CTNNA3: variants seen among roughly 807,000 people sequenced by gnomAD.
The protein encoded by CTNNA3 is catenin alpha-3.
A neutral mutation model predicts 95.7 loss-of-function variants in CTNNA3; 76 were observed. That is an observed-to-expected ratio of 0.79 (90% CI 0.66 to 0.96). The LOEUF is 0.96. CTNNA3 is among the 40% of genes least tolerant of loss of function. CTNNA3 has a pLI of 0.00. For missense variants in CTNNA3, 1,191 were observed against 1,089.8 expected (o/e 1.09, Z -1.31); for synonymous variants, 431 against 374.4 (o/e 1.15, Z -1.74).
intron 1 of CTNNA3, among the ~76,000 whole-genome samples, chr10:67,758,985 G>C (rs912417406): frequency 1.3e-5 from 2 of 152,036 alleles, no homozygotes; most frequent in Admixed American, 6.5e-5. Flanking sequence ...CTGTAAGTAA[G>C]CTGCCCCTAC....
chr10:66,708,389 G>T (rs1399464346), intron 9 of CTNNA3, among the ~76,000 whole-genome samples: 2 of 151,902 alleles, frequency 1.3e-5, no homozygotes, highest in African/African-American at 4.8e-5. Flanking sequence ...CTCTGTCTTC[G>T]CATGGCCTTT....
intron 12 of CTNNA3, among the ~76,000 whole-genome samples, chr10:66,368,709 G>A (rs946648586): frequency 6.6e-6 from 1 of 152,028 alleles, no homozygotes; most frequent in Non-Finnish European, 1.5e-5. Flanking sequence ...GCTATTAAAG[G>A]ATATATAAAT....
At chr10:67,065,277 C>T (rs539361416) in intron 7 of CTNNA3, among the ~76,000 whole-genome samples, 3 of 152,272 alleles carry the variant, frequency 2.0e-5, no homozygotes, top group African/African-American at 4.8e-5. Context: ...CTTTGAGTCT[C>T]TGTTTCATCA....
intron 10 of CTNNA3, among the ~76,000 whole-genome samples, chr10:66,527,434 A>G (rs1465333832): frequency 2.0e-5 from 3 of 152,062 alleles, no homozygotes; most frequent in Non-Finnish European, 2.9e-5. Context: ...GTTTTTTTCT[A>G]TATGTGCAAA....
Position 66,687,035 on chromosome 10 carries a change from G to T in CTNNA3, c.1282-65251C>A, listed in dbSNP as rs147552399. On this transcript the variant is annotated intron_variant, in intron 9 of 17. Transcript: ENST00000433211. ...ACTTGATGATATCTTTGATACAAAT[G>T]ACATACTTTATACTTAATAGGTTCC... Among the ~76,000 whole-genome samples the T allele has an allele frequency of 5.4e-3, 816 of 152,056 alleles. 13 individuals carry two copies. Among genetic ancestry groups the T allele is most frequent in the African/African-American group, 0.018 (766 of 41,464 alleles).
intron 17 of CTNNA3, among the ~76,000 whole-genome samples, chr10:65,943,358 G>A (rs2077459179): frequency 6.6e-6 from 1 of 152,184 alleles, no homozygotes; most frequent in South Asian, 2.1e-4. Context: ...TATGCATTGT[G>A]ATCCAGATGC....
intron 16 of CTNNA3, among the ~76,000 whole-genome samples, chr10:65,986,532 T>G (rs2078431755): frequency 6.6e-6 from 1 of 151,310 alleles, no homozygotes; most frequent in Admixed American, 6.6e-5. Flanking sequence ...TCCCTACTAT[T>G]AAACTATAAA....
chr10:66,989,621 G>A (rs1850931617), intron 7 of CTNNA3, among the ~76,000 whole-genome samples: 1 of 152,080 alleles, frequency 6.6e-6, no homozygotes, highest in Non-Finnish European at 1.5e-5. Context: ...TATACATACT[G>A]AAAGAACTTT....
chr10:67,761,916 G>C (rs1841463629), intron 1 of CTNNA3, among the ~76,000 whole-genome samples: 3 of 151,934 alleles, frequency 2.0e-5, no homozygotes, highest in Admixed American at 2.0e-4. Flanking sequence ...TGGCAGGGAG[G>C]AGATCATCAG....
chr10:66,304,351 T>A (rs916697097), intron 12 of CTNNA3, among the ~76,000 whole-genome samples: 1 of 152,158 alleles, frequency 6.6e-6, no homozygotes, highest in Non-Finnish European at 1.5e-5. Context: ...CTCGTAAATC[T>A]GAACAGCCAC....
intron 15 of CTNNA3, among the ~76,000 whole-genome samples, chr10:66,051,106 C>T (rs964948912): frequency 6.6e-6 from 1 of 152,096 alleles, no homozygotes; most frequent in Admixed American, 6.6e-5. Flanking sequence ...GAGCCCTTGG[C>T]CTCAAGCATC....
chr10:66,692,069 A>G (rs1445359447), intron 9 of CTNNA3, among the ~76,000 whole-genome samples: 4 of 152,238 alleles, frequency 2.6e-5, no homozygotes, highest in Non-Finnish European at 5.9e-5. Context: ...TCCTCCTCCA[A>G]AGGAATGCAG....
chr10:67,327,216 T>C (rs1384771453), intron 5 of CTNNA3, among the ~76,000 whole-genome samples: 1 of 152,234 alleles, frequency 6.6e-6, no homozygotes, highest in African/African-American at 2.4e-5. Flanking sequence ...TTCTGAATTC[T>C]ATTTCTGTCA....
At chr10:67,467,922 G>A (rs1462347225) in intron 5 of CTNNA3, among the ~76,000 whole-genome samples, 5 of 151,524 alleles carry the variant, frequency 3.3e-5, no homozygotes, top group African/African-American at 4.8e-5. Context: ...TGTTGCCCAC[G>A]CTGGTCTCAA....
At chr10:66,110,986 T>G (rs1564655065) in intron 13 of CTNNA3, among the ~76,000 whole-genome samples, 1 of 152,170 alleles carries the variant, frequency 6.6e-6, no homozygotes, top group Admixed American at 6.5e-5. Flanking sequence ...TATCTAAACA[T>G]ATTTAAACAT....
chr10:66,021,035 AT>A (rs1444380719), intron 15 of CTNNA3, among the ~76,000 whole-genome samples: 1 of 151,910 alleles, frequency 6.6e-6, no homozygotes, highest in African/African-American at 2.4e-5. Flanking sequence ...CTCTTTCTTG[AT>A]CTTTTGCTTA....
intron 7 of CTNNA3, among the ~76,000 whole-genome samples, chr10:66,929,643 G>T (rs1230064493): frequency 2.0e-5 from 3 of 152,184 alleles, no homozygotes; most frequent in Non-Finnish European, 4.4e-5. Context: ...CACTATGACA[G>T]TTCTCTGTTG....
chr10:66,510,871 T>A (rs1457092814), intron 11 of CTNNA3, among the ~76,000 whole-genome samples: 1 of 151,710 alleles, frequency 6.6e-6, no homozygotes, highest in African/African-American at 2.4e-5. Context: ...TGTGCCCTTG[T>A]CTGGTTTTAT....
At chr10:66,733,529 C>T (rs574649098) in intron 9 of CTNNA3, among the ~76,000 whole-genome samples, 2 of 151,744 alleles carry the variant, frequency 1.3e-5, no homozygotes, top group Non-Finnish European at 2.9e-5. Context: ...CGAACACACA[C>T]AAATATATAT....
Sources: allele counts gnomAD v4.1 joint callset (sites outside exome capture counted in the v4.1 genomes callset), GRCh38; gene constraint gnomAD v4.1.1; transcripts MANE v1.5; gene names NCBI Gene and HGNC (gene_info 2026-07-23, HGNC 2026-07-21).